Variants in GTF2A1 observed in about 807,000 individuals in gnomAD.
GTF2A1 encodes the protein transcription initiation factor IIA subunit 1.
Under a neutral mutation model 54.1 loss-of-function variants are expected in GTF2A1, and 12 were observed. That is an observed-to-expected ratio of 0.22 (90% CI 0.14 to 0.36). The LOEUF is 0.36. GTF2A1 is among the 10% of genes least tolerant of loss of function. The pLI, the probability that GTF2A1 is intolerant of heterozygous loss-of-function variation, is 1.00. For synonymous variants in GTF2A1, 145 were observed against 152.0 expected (o/e 0.95, Z 0.34); for missense variants, 335 against 442.2 (o/e 0.76, Z 2.17).
At chr14:81,202,124 C>CAA (rs555702873) in intron 3 of GTF2A1, among the ~76,000 whole-genome samples, 26 of 142,122 alleles carry the variant, frequency 1.8e-4, no homozygotes, top group African/African-American at 6.3e-4. Context: ...GGTTCCATAT[C>CAA]AAAAAAAAAA....
chr14:81,212,173 A>G (rs1228492870), intron 2 of GTF2A1, among the ~76,000 whole-genome samples: 1 of 152,110 alleles, frequency 6.6e-6, no homozygotes, highest in African/African-American at 2.4e-5. Context: ...TATACTTCCA[A>G]TTGAGGCAAC....
chr14:81,186,557 T>C (rs946474824), intron 7 of GTF2A1, among the ~76,000 whole-genome samples: 8 of 152,152 alleles, frequency 5.3e-5, no homozygotes, highest in African/African-American at 1.7e-4. Context: ...CCATGTTAAA[T>C]TTCGCTTCAA....
At chr14:81,218,198 A>C (rs1893528917) in intron 1 of GTF2A1, among the ~76,000 whole-genome samples, 1 of 152,134 alleles carries the variant, frequency 6.6e-6, no homozygotes. Flanking sequence ...GCTTTTCAGT[A>C]AACTAGATGG....
At chr14:81,220,467 G>C in intron 1 of GTF2A1, 22 bp downstream of exon 1, 1 of 1,540,252 alleles carries the variant, frequency 6.5e-7, no homozygotes, top group Non-Finnish European at 8.8e-7. Context: ...AGCCCCCGCC[G>C]GCCACCGAAC....
intron 2 of GTF2A1, among the ~76,000 whole-genome samples, chr14:81,211,162 G>C (rs1418080537): frequency 6.6e-6 from 1 of 152,182 alleles, no homozygotes; most frequent in African/African-American, 2.4e-5. Context: ...AGACAGAATA[G>C]GGATATAACC....
At chr14:81,214,707 CTATATT>C (rs905022843) in intron 2 of GTF2A1, among the ~76,000 whole-genome samples, 1 of 151,726 alleles carries the variant, frequency 6.6e-6, no homozygotes, top group African/African-American at 2.4e-5. Flanking sequence ...TTACATCCAC[CTATATT>C]TATACTAATA....
chr14:81,208,593 C>T (rs1003299895), intron 2 of GTF2A1, among the ~76,000 whole-genome samples: 1 of 152,158 alleles, frequency 6.6e-6, no homozygotes, highest in Non-Finnish European at 1.5e-5. Context: ...GGCAGACCCA[C>T]CAACAGCTTG....
intron 6 of GTF2A1, 133 bp from the exon 7 acceptor site, chr14:81,192,972 A>C: frequency 1.6e-6 from 1 of 622,468 alleles, no homozygotes. Flanking sequence ...CCAAAGTACA[A>C]AAGCAATTAG....
intron 2 of GTF2A1, among the ~76,000 whole-genome samples, chr14:81,214,199 C>T (rs560624587): frequency 1.8e-4 from 27 of 152,242 alleles, no homozygotes; most frequent in African/African-American, 5.8e-4. Flanking sequence ...GTTGCAGCCT[C>T]GACACCTATG....
intron 8 of GTF2A1, 106 bp from the exon 9 acceptor site, chr14:81,180,436 C>A (rs1173310672): frequency 1.3e-5 from 8 of 626,960 alleles, no homozygotes; most frequent in South Asian, 9.4e-5. Context: ...CACCCCCCCA[C>A]AAAACAGTAT....
At chr14:81,218,714 G>C (rs1893540635) in intron 1 of GTF2A1, among the ~76,000 whole-genome samples, 1 of 151,704 alleles carries the variant, frequency 6.6e-6, no homozygotes, top group South Asian at 2.1e-4. Flanking sequence ...TTAATTCCCT[G>C]ATGCAATGCT....
At chr14:81,208,970 G>A (rs1162100746) in intron 2 of GTF2A1, among the ~76,000 whole-genome samples, 2 of 152,186 alleles carry the variant, frequency 1.3e-5, no homozygotes, top group African/African-American at 4.8e-5. Flanking sequence ...GAAGGGACTT[G>A]CCTTGTCTCA....
At chr14:81,201,679 A>G (rs373028429) in intron 3 of GTF2A1, 21 bp from the exon 4 acceptor site, 4 of 1,574,104 alleles carry the variant, frequency 2.5e-6, no homozygotes, top group Non-Finnish European at 3.5e-6. Context: ...ACAAGCGAAC[A>G]TGCAAACAAG....
chr14:81,218,163 T>G (rs1893528066), intron 1 of GTF2A1, among the ~76,000 whole-genome samples: 1 of 152,038 alleles, frequency 6.6e-6, no homozygotes, highest in South Asian at 2.1e-4. Context: ...ATTGGGAGTA[T>G]AAATCTCAAA....
chr14:81,191,625 T>C (rs773845999), intron 7 of GTF2A1, among the ~76,000 whole-genome samples: 1 of 152,096 alleles, frequency 6.6e-6, no homozygotes, highest in East Asian at 1.9e-4. Context: ...TAAATATATA[T>C]GGTAAAATAT....
At chr14:81,202,062 G>A (rs115403964) in intron 3 of GTF2A1, among the ~76,000 whole-genome samples, 1,748 of 152,090 alleles carry the variant, frequency 0.011, 39 homozygotes, top group African/African-American at 0.04. Context: ...CTCCGGAACT[G>A]GAGGTTGCAG....
chr14:81,196,006 G>GA lies in GTF2A1; in HGVS notation c.612+101dup, dbSNP rs1240445474. 1.9e-5 allele frequency: 20 copies of GA among 1,039,460 alleles called. No individual in the cohort carries two copies. In the African/African-American group the frequency reaches 2.7e-4, roughly 14 times the overall value. 64.4% of individuals were successfully genotyped at this position (1,039,460 alleles called of 1,614,324 possible). A position where few individuals can be genotyped will look rare whatever the true frequency, so the allele number is the denominator to read the frequency against. Reference sequence around the variant, plus strand: ...TTGAAACAACTGGGTCTGTAGCACTGAAAAAGAGTCTTTTGTGCATATAAG... The same window carrying GA: ...TTGAAACAACTGGGTCTGTAGCACTGAAAAAAGAGTCTTTTGTGCATATAAG... On this transcript the variant is annotated intron_variant, in intron 6 of 8. Transcript: ENST00000553612.
intron 2 of GTF2A1, among the ~76,000 whole-genome samples, chr14:81,211,874 T>TA (rs1491401653): frequency 0.16 from 6,133 of 37,804 alleles, 464 homozygotes; most frequent in Middle Eastern, 0.31. Flanking sequence ...TATCAAGTAC[T>TA]TTATATATAT....
intron 3 of GTF2A1, among the ~76,000 whole-genome samples, chr14:81,202,022 T>A (rs1462528009): frequency 6.6e-6 from 1 of 151,818 alleles, no homozygotes; most frequent in African/African-American, 2.4e-5. Flanking sequence ...ATTAGTTGGG[T>A]GTCAGGCTGA....
Sources: gnomAD v4.1 joint callset for allele counts (sites outside exome capture counted in the v4.1 genomes callset) on GRCh38, gnomAD v4.1.1 for gene constraint, MANE v1.5 for transcripts, NCBI Gene and HGNC (gene_info 2026-07-23, HGNC 2026-07-21) for gene names.